KIFAP3: variants seen among roughly 807,000 people sequenced by gnomAD.
The protein encoded by KIFAP3 is kinesin associated protein 3.
Under a neutral mutation model 106.5 loss-of-function variants are expected in KIFAP3, and 68 were observed. That is an observed-to-expected ratio of 0.64 (90% CI 0.53 to 0.78). The LOEUF (loss-of-function observed/expected upper bound fraction) is 0.78, where lower values mean the gene tolerates loss of function less well. Among genes scored for constraint, KIFAP3 ranks in the 30% least tolerant of loss-of-function variants. KIFAP3 has a pLI of 0.00. For missense variants in KIFAP3, 780 were observed against 941.8 expected (o/e 0.83, Z 2.25); for synonymous variants, 320 against 311.5 (o/e 1.03, Z -0.29).
intron 17 of KIFAP3, among the ~76,000 whole-genome samples, chr1:169,966,464 C>CAAAAAA (rs58208596): frequency 7.7e-6 from 1 of 130,086 alleles, no homozygotes; most frequent in Non-Finnish European, 1.6e-5. Context: ...CGGAAAATGG[C>CAAAAAA]AAAAAAAAAA....
intron 2 of KIFAP3, among the ~76,000 whole-genome samples, chr1:170,047,834 G>A (rs1033027916): frequency 1.3e-5 from 2 of 152,026 alleles, no homozygotes; most frequent in East Asian, 1.9e-4. Context: ...CTAGTTACAC[G>A]GATTCAGGGT....
At chr1:169,939,893 GAAGTTGAAGAGCACATGC>G (rs1314711443) in intron 19 of KIFAP3, among the ~76,000 whole-genome samples, 1 of 152,204 alleles carries the variant, frequency 6.6e-6, no homozygotes, top group Non-Finnish European at 1.5e-5. Context: ...CAAGAGTGGG[GAAGTTGAAGAGCACATGC>G]AAGTCTTTTG....
chr1:169,944,733 C>G (rs1388061498), intron 19 of KIFAP3, among the ~76,000 whole-genome samples: 1 of 152,120 alleles, frequency 6.6e-6, no homozygotes, highest in Non-Finnish European at 1.5e-5. Flanking sequence ...GTGTCCAGCT[C>G]TCAGCAGAGA....
chr1:170,045,520 A>G (rs1379417441), intron 3 of KIFAP3, among the ~76,000 whole-genome samples: 4 of 152,214 alleles, frequency 2.6e-5, no homozygotes, highest in Admixed American at 2.0e-4. Context: ...AAAGTATAAC[A>G]CTTATTTTGC....
intron 3 of KIFAP3, among the ~76,000 whole-genome samples, chr1:170,039,863 T>C (rs776001422): frequency 4.6e-5 from 7 of 152,126 alleles, no homozygotes; most frequent in African/African-American, 1.7e-4. Context: ...AATAAAGAGG[T>C]ATCCAAAGGT....
intron 16 of KIFAP3, among the ~76,000 whole-genome samples, chr1:169,973,348 A>G (rs1666036643): frequency 6.7e-6 from 1 of 150,068 alleles, no homozygotes; most frequent in South Asian, 2.1e-4. Context: ...ATATTAGACT[A>G]AGAAGATCCA....
chr1:169,952,961 A>G (rs942640009), intron 19 of KIFAP3, among the ~76,000 whole-genome samples: 2 of 152,142 alleles, frequency 1.3e-5, no homozygotes, highest in Non-Finnish European at 2.9e-5. Flanking sequence ...ACACATAGAA[A>G]ATAGCTTATC....
At chr1:170,044,699 A>C (rs1395004449) in intron 3 of KIFAP3, among the ~76,000 whole-genome samples, 1 of 152,156 alleles carries the variant, frequency 6.6e-6, no homozygotes, top group Non-Finnish European at 1.5e-5. Context: ...GGAGACACTC[A>C]TGAGCAGGGA....
At position 170,039,036 on chromosome 1, in the gene KIFAP3, T is replaced by C. The variant is rs551512977; in HGVS notation, c.375+197A>G. ...AGGCGGAGGTTGTGGTGAGATGAGATAGAGCAAAAAAAGCAGAACCAATAC... is the reference window on the plus strand; with the variant it reads ...AGGCGGAGGTTGTGGTGAGATGAGACAGAGCAAAAAAAGCAGAACCAATAC... On this transcript the variant is annotated intron_variant, in intron 4 of 19. Transcript: ENST00000361580. 4.6e-5 allele frequency among the ~76,000 whole-genome samples: 7 copies of C among 152,246 alleles called. No individual in the cohort carries two copies. In the East Asian group the frequency reaches 7.7e-4, roughly 17 times the overall value.
chr1:170,082,790 T>C (rs1039253460), intron 1 of KIFAP3, among the ~76,000 whole-genome samples: 1 of 150,398 alleles, frequency 6.6e-6, no homozygotes, highest in African/African-American at 2.5e-5. Flanking sequence ...CTGGCCAACA[T>C]AGTGAAACCC....
chr1:170,017,322 A>G (rs1668575664), intron 9 of KIFAP3, among the ~76,000 whole-genome samples: 2 of 151,710 alleles, frequency 1.3e-5, no homozygotes, highest in South Asian at 4.1e-4. Flanking sequence ...TGTGATAAAA[A>G]CTGAATGAAT....
rs3790401 is a variant in KIFAP3 at position 169,951,027 on chromosome 1, A to C, written c.2273+2984T>G. ...GAATCTTACCCACCACAAATGATTG[A>C]ATAAAAGCAAAAAAGCAAATGATTC... On this transcript the variant is annotated intron_variant, in intron 19 of 19. Coordinates refer to ENST00000361580, the MANE Select transcript of KIFAP3 (RefSeq NM_014970.4). Among the ~76,000 whole-genome samples, 61 of 152,026 alleles carry C rather than the reference A, an allele frequency of 4.0e-4. No individual in the cohort carries two copies. In the East Asian group the frequency reaches 0.012, roughly 29 times the overall value.
At chr1:169,953,474 TATATTTTCCAACTTGAAGAGC>T (rs1381890057) in intron 19 of KIFAP3, among the ~76,000 whole-genome samples, 2 of 152,224 alleles carry the variant, frequency 1.3e-5, no homozygotes, top group African/African-American at 2.4e-5. Context: ...ACAGACAATC[TATATTTTCCAACTTGAAGAGC>T]ATATTTTGTT....
At position 169,973,110 on chromosome 1, in the gene KIFAP3, T is replaced by TATATATATATATATAC. The variant is rs1666013190; in HGVS notation, c.1898-513_1898-512insGTATATATATATATAT. ...AATAATTTAAAAAATAGTGTGTATA[T>TATATATATATATATAC]ATATATATATATAAACAACACAAAT... On this transcript the variant is annotated intron_variant, in intron 16 of 19. Coordinates refer to ENST00000361580, the MANE Select transcript of KIFAP3 (RefSeq NM_014970.4). 4.3e-5 allele frequency among the ~76,000 whole-genome samples: 6 copies of TATATATATATATATAC among 138,206 alleles called. 1 individual carries two copies. The South Asian group carries it at 1.4e-3, about 33-fold the overall frequency. The allele number at this position is 138,206 out of a possible 152,430, so 90.7% of individuals were successfully genotyped here.
chr1:169,995,881 T>C (rs552156243), intron 10 of KIFAP3, among the ~76,000 whole-genome samples: 12 of 152,108 alleles, frequency 7.9e-5, no homozygotes, highest in Non-Finnish European at 1.8e-4. Flanking sequence ...GGAAATTCTC[T>C]AATTAATTTT....
At chr1:169,991,231 T>C (rs1667085653) in intron 11 of KIFAP3, among the ~76,000 whole-genome samples, 1 of 151,738 alleles carries the variant, frequency 6.6e-6, no homozygotes, top group Admixed American at 6.6e-5. Context: ...CCTGTAGTCC[T>C]AGCTACCCAG....
At chr1:169,944,747 G>C (rs1251705802) in intron 19 of KIFAP3, among the ~76,000 whole-genome samples, 1 of 152,148 alleles carries the variant, frequency 6.6e-6, no homozygotes, top group Non-Finnish European at 1.5e-5. Flanking sequence ...GCAGAGAGGA[G>C]ATCTGCAGTG....
chr1:170,035,197 C>T (rs1040797569), intron 6 of KIFAP3, among the ~76,000 whole-genome samples: 18 of 151,902 alleles, frequency 1.2e-4, no homozygotes, highest in Non-Finnish European at 2.1e-4. Context: ...AAAAAACTAT[C>T]CAAAGAGGGT....
intron 19 of KIFAP3, among the ~76,000 whole-genome samples, chr1:169,944,791 G>A (rs537469374): frequency 7.4e-4 from 113 of 152,232 alleles, no homozygotes; most frequent in Non-Finnish European, 1.3e-3. Flanking sequence ...TAATCCCCAC[G>A]TCTGTATGAG....
Sources: gnomAD v4.1 joint callset for allele counts (sites outside exome capture counted in the v4.1 genomes callset) on GRCh38, gnomAD v4.1.1 for gene constraint, MANE v1.5 for transcripts, NCBI Gene and HGNC (gene_info 2026-07-23, HGNC 2026-07-21) for gene names.